SLC24A4: variants seen among roughly 807,000 people sequenced by gnomAD.
SLC24A4 encodes the protein sodium/potassium/calcium exchanger 4.
A neutral mutation model predicts 79.0 loss-of-function variants in SLC24A4; 53 were observed. That is an observed-to-expected ratio of 0.67 (90% CI 0.54 to 0.84). SLC24A4 has a LOEUF of 0.84. Ranked by LOEUF, SLC24A4 falls within the 40% of genes least tolerant of loss-of-function variation. The pLI is 0.00. For synonymous variants in SLC24A4, 323 were observed against 323.8 expected (o/e 1.00, Z 0.03); for missense variants, 731 against 822.0 (o/e 0.89, Z 1.35).
At chr14:92,377,272 A>C (rs1355423912) in intron 2 of SLC24A4, among the ~76,000 whole-genome samples, 1 of 152,258 alleles carries the variant, frequency 6.6e-6, no homozygotes, top group Non-Finnish European at 1.5e-5. Context: ...AAATGGTAGA[A>C]GATGTGTTTT....
chr14:92,420,855 T>C (rs1891237014), intron 2 of SLC24A4, among the ~76,000 whole-genome samples: 1 of 152,180 alleles, frequency 6.6e-6, no homozygotes, highest in Admixed American at 6.5e-5. Context: ...TGGTTTCTGT[T>C]CTTGTCATTG....
rs1229154205 is a variant in SLC24A4 at position 92,456,517 on chromosome 14, G to A, written c.1164G>A (p.Gln388=). ...NVPVENPEDP[Q]QNQEQQPPPQ... ...CTGTGGAAAACCCCGAAGACCCTCA[G>A]CAGAATCAGGAGCAGCAGCCGCCGC... The change falls in exon 12 of 17, where the codon CAG becomes CAA. Residue 388 remains glutamine (Q), a synonymous_variant. Coordinates refer to ENST00000532405, the MANE Select transcript of SLC24A4 (RefSeq NM_153646.4). 14 of 1,614,034 alleles carry A rather than the reference G, an allele frequency of 8.7e-6. No homozygotes were observed. The highest frequency in any genetic ancestry group is 1.2e-5 in the Non-Finnish European group (14 of 1,180,044).
At chr14:92,437,968 C>T (rs567257482) in intron 3 of SLC24A4, among the ~76,000 whole-genome samples, 1 of 152,260 alleles carries the variant, frequency 6.6e-6, no homozygotes, top group South Asian at 2.1e-4. Flanking sequence ...TTGCTCACCA[C>T]ATTCTGCTTC....
At chr14:92,412,070 C>A (rs1890746901) in intron 2 of SLC24A4, among the ~76,000 whole-genome samples, 1 of 152,194 alleles carries the variant, frequency 6.6e-6, no homozygotes. Context: ...ATGCTGGCTT[C>A]CTCCCCAGCC....
At chr14:92,343,966 G>A (rs1242740757) in intron 2 of SLC24A4, among the ~76,000 whole-genome samples, 1 of 152,174 alleles carries the variant, frequency 6.6e-6, no homozygotes, top group Non-Finnish European at 1.5e-5. Flanking sequence ...GCCTCCCAAA[G>A]TGCTGGTATT....
chr14:92,356,044 C>G (rs1426738483), intron 2 of SLC24A4, among the ~76,000 whole-genome samples: 1 of 152,206 alleles, frequency 6.6e-6, no homozygotes, highest in Non-Finnish European at 1.5e-5. Context: ...AACCCATCAA[C>G]TATTCTGTTT....
chr14:92,408,406 A>C, intron 2 of SLC24A4: 1 of 985,474 alleles, frequency 1.0e-6, no homozygotes, highest in Non-Finnish European at 1.2e-6. Context: ...TGGCAACTGC[A>C]GCTAAAGCTC....
chr14:92,395,260 G>A (rs1442468417), intron 2 of SLC24A4, among the ~76,000 whole-genome samples: 1 of 152,116 alleles, frequency 6.6e-6, no homozygotes, highest in Non-Finnish European at 1.5e-5. Flanking sequence ...AATCTGGGAT[G>A]CACCCACACT....
At chr14:92,400,085 G>A (rs533456188) in intron 2 of SLC24A4, among the ~76,000 whole-genome samples, 28 of 152,152 alleles carry the variant, frequency 1.8e-4, no homozygotes, top group Admixed American at 7.2e-4. Context: ...GTACCAGTAT[G>A]TTAGAATTGG....
intron 2 of SLC24A4, among the ~76,000 whole-genome samples, chr14:92,430,381 C>T (rs183941421): frequency 6.6e-5 from 10 of 152,344 alleles, no homozygotes; most frequent in African/African-American, 1.7e-4. Context: ...AGAGCGTCAC[C>T]GTGGAGCTTT....
chr14:92,423,533 C>T (rs1456775579), intron 2 of SLC24A4, among the ~76,000 whole-genome samples: 1 of 152,224 alleles, frequency 6.6e-6, no homozygotes, highest in African/African-American at 2.4e-5. Context: ...ATTTTCACCA[C>T]AGCACTCTGA....
intron 12 of SLC24A4, among the ~76,000 whole-genome samples, chr14:92,464,644 C>T (rs1186655207): frequency 6.6e-6 from 1 of 152,194 alleles, no homozygotes; most frequent in African/African-American, 2.4e-5. Context: ...CGCAATTCTG[C>T]TTTTCAAATC....
At chr14:92,447,655 T>C (rs557565021) in intron 9 of SLC24A4, among the ~76,000 whole-genome samples, 1 of 152,334 alleles carries the variant, frequency 6.6e-6, no homozygotes, top group East Asian at 1.9e-4. Context: ...TGGTGGCTGA[T>C]GTGTGGACCA....
At position 92,361,390 on chromosome 14, in the gene SLC24A4, A is replaced by T. The variant is rs1039682651; in HGVS notation, c.241+35412A>T. Among the ~76,000 whole-genome samples the T allele has an allele frequency of 3.3e-5, 5 of 151,426 alleles. No individual in the cohort carries two copies. The South Asian group carries it at 1.0e-3, about 32-fold the overall frequency. On this transcript the variant is annotated intron_variant, in intron 2 of 16. Coordinates refer to ENST00000532405, the MANE Select transcript of SLC24A4 (RefSeq NM_153646.4). ...GGAGGGGCTTGGGAAAGTGCAAAGG[A>T]GGGGGCAGCTTGATGAACTACTTTG...
chr14:92,413,075 A>G (rs1024294791), intron 2 of SLC24A4, among the ~76,000 whole-genome samples: 1 of 152,202 alleles, frequency 6.6e-6, no homozygotes, highest in African/African-American at 2.4e-5. Context: ...GGCAGAGACC[A>G]TATGGCCCGC....
At chr14:92,446,165 G>A (rs914105810) in intron 8 of SLC24A4, among the ~76,000 whole-genome samples, 12 of 129,124 alleles carry the variant, frequency 9.3e-5, no homozygotes, top group African/African-American at 2.5e-4. Flanking sequence ...CAGAATCTGC[G>A]TGCATTCTAT....
At chr14:92,380,668 C>T (rs761918199) in intron 2 of SLC24A4, among the ~76,000 whole-genome samples, 38 of 152,236 alleles carry the variant, frequency 2.5e-4, no homozygotes, top group Non-Finnish European at 4.4e-4. Context: ...AAGGAACTTG[C>T]GGCTCCCGCC....
intron 12 of SLC24A4, among the ~76,000 whole-genome samples, chr14:92,459,281 G>A (rs978305489): frequency 5.3e-5 from 8 of 152,204 alleles, no homozygotes; most frequent in African/African-American, 1.7e-4. Context: ...CCTTGTACTG[G>A]GAGCTGCTGT....
At chr14:92,367,153 T>C (rs1887891991) in intron 2 of SLC24A4, among the ~76,000 whole-genome samples, 1 of 152,226 alleles carries the variant, frequency 6.6e-6, no homozygotes, top group Non-Finnish European at 1.5e-5. Context: ...CCTTGCCCGT[T>C]CAGAGGCTGG....
Sources: gnomAD v4.1 joint callset for allele counts (sites outside exome capture counted in the v4.1 genomes callset) on GRCh38, gnomAD v4.1.1 for gene constraint, MANE v1.5 for transcripts, NCBI Gene and HGNC (gene_info 2026-07-23, HGNC 2026-07-21) for gene names.